CFAP47: variants seen among roughly 807,000 people sequenced by gnomAD.
CFAP47 encodes the protein cilia and flagella associated protein 47.
Under a neutral mutation model 148.1 loss-of-function variants are expected in CFAP47, and 29 were observed. The ratio of observed to expected loss-of-function variants is 0.20; its 90% CI spans 0.15 to 0.27. The LOEUF (loss-of-function observed/expected upper bound fraction) is 0.27. CFAP47 is among the 10% of genes least tolerant of loss of function. CFAP47 has a pLI of 1.00. For missense variants in CFAP47, 1,872 were observed against 1,697.5 expected, an observed-to-expected ratio of 1.10 and a Z score of -1.81; for synonymous variants, 664 against 577.3, an observed-to-expected ratio of 1.15 and a Z score of -2.15.
chrX:35,961,245 G>C (rs1166560299), intron 8 of CFAP47, among the ~76,000 whole-genome samples: 2 of 111,487 alleles, frequency 1.8e-5, no homozygotes, highest in South Asian at 7.4e-4. Flanking sequence ...ATTTAGTTGA[G>C]GATTTTTGCA....
intron 51 of CFAP47, among the ~76,000 whole-genome samples, chrX:36,288,101 C>T (rs782268384): frequency 1.2e-3 from 133 of 111,926 alleles, no homozygotes; most frequent in African/African-American, 4.0e-3. Flanking sequence ...TTACATTCAA[C>T]TCAAATTTCC....
At chrX:36,031,618 A>C (rs1937279868) in intron 23 of CFAP47, among the ~76,000 whole-genome samples, 1 of 110,038 alleles carries the variant, frequency 9.1e-6, no homozygotes, top group African/African-American at 3.3e-5. Flanking sequence ...TATTAAAATA[A>C]GTTTAATATA....
chrX:35,976,482 T>C (rs1936572535), intron 15 of CFAP47, among the ~76,000 whole-genome samples: 3 of 111,726 alleles, frequency 2.7e-5, no homozygotes, highest in African/African-American at 9.8e-5. Context: ...ATGTATACAG[T>C]CTTTGTCAAT....
At position 36,014,822 on chromosome X, in the gene CFAP47, T is replaced by C. The variant is rs187777182; in HGVS notation, c.3466T>C (p.Ser1156Pro). 7.9e-4 allele frequency: 230 copies of C among 292,400 alleles called. No homozygotes were observed. Among genetic ancestry groups the C allele is most frequent in the African/African-American group, 5.4e-3 (193 of 35,956 alleles). 24.1% of individuals were successfully genotyped at this position (292,400 alleles called of 1,213,427 possible). ...IIQVQINFFE[S>P]SKLYTKYLSS... ...TCAAGTTCAGATTAATTTCTTTGAG[T>C]CTTCAAAGCTCTACACTAAATATTT... Residue 1156 changes from serine (S) to proline (P), a missense_variant, in exon 22 of 64, where the codon TCT (serine) becomes CCT (proline). Transcript: ENST00000378653.
intron 62 of CFAP47, among the ~76,000 whole-genome samples, chrX:36,371,852 A>G (rs1347977058): frequency 2.8e-5 from 2 of 70,634 alleles, no homozygotes; most frequent in South Asian, 8.2e-4. Flanking sequence ...GTGTGTATAT[A>G]TGTGTGCATA....
intron 33 of CFAP47, among the ~76,000 whole-genome samples, chrX:36,127,330 A>G (rs1276953571): frequency 6.3e-5 from 7 of 111,509 alleles, no homozygotes; most frequent in Non-Finnish European, 1.3e-4. Context: ...AGTTTTCCCA[A>G]CAACATTTAT....
chrX:36,268,710 A>G (rs1602081315), intron 49 of CFAP47, among the ~76,000 whole-genome samples: 1 of 112,032 alleles, frequency 8.9e-6, no homozygotes, highest in Middle Eastern at 4.6e-3. Context: ...AATCAAAAGA[A>G]TTTGTGTATG....
At chrX:35,927,365 C>A (rs1935759224) in intron 2 of CFAP47, among the ~76,000 whole-genome samples, 1 of 111,306 alleles carries the variant, frequency 9.0e-6, no homozygotes, top group Non-Finnish European at 1.9e-5. Flanking sequence ...TTAAGTAGAA[C>A]CATTTTGTAT....
intron 13 of CFAP47, 113 bp from the exon 14 acceptor site, chrX:35,975,034 A>C (rs1251385953): frequency 9.2e-6 from 4 of 432,738 alleles, no homozygotes; most frequent in Non-Finnish European, 1.5e-5. Context: ...ATATTTTTTA[A>C]AATTTCATTT....
rs1218713182 is a variant in CFAP47, at chrX:36,349,941, G to A, written c.8604-97G>A. The A allele has an allele frequency of 8.4e-6, 4 of 477,795 alleles. No individual in the cohort carries two copies. In the Admixed American group the frequency reaches 1.7e-4, roughly 21 times the overall value. The allele number at this position is 477,795 out of a possible 1,213,427, so 39.4% of individuals were successfully genotyped here. On this transcript the variant is annotated intron_variant, in intron 58 of 63. Transcript: ENST00000378653. Reference sequence around the variant, plus strand: ...TCTCTACCAAAGTCTGAATTTACAAGCTTTACTAAAATACCATAAAGTTAA... The same window carrying A: ...TCTCTACCAAAGTCTGAATTTACAAACTTTACTAAAATACCATAAAGTTAA...
intron 33 of CFAP47, among the ~76,000 whole-genome samples, chrX:36,118,458 C>G (rs774437531): frequency 2.4e-4 from 27 of 110,355 alleles, no homozygotes; most frequent in South Asian, 3.8e-4. Flanking sequence ...CATTTTACAT[C>G]TTTTAATTAA....
intron 30 of CFAP47, among the ~76,000 whole-genome samples, chrX:36,090,806 G>A (rs184955497): frequency 1.1e-3 from 111 of 97,960 alleles, no homozygotes; most frequent in African/African-American, 5.2e-3. Context: ...TTTTATACAC[G>A]TGAAATATCT....
chrX:35,924,550 T>TGC (rs1889516441), intron 1 of CFAP47, among the ~76,000 whole-genome samples: 6 of 100,917 alleles, frequency 5.9e-5, no homozygotes, highest in African/African-American at 2.5e-4. Flanking sequence ...CACCTATATG[T>TGC]GTATATATGC....
rs933525556 is a variant in CFAP47 at position 36,179,381 on chromosome X, G to A, written c.6063G>A (p.Ser2021=). ...TGGAATCCTCAACATTTGTCTCTTC[G>A]CCAACGAAGTTAACTGAATCCAGGC... ...ILVESSTFVS[S]PTKLTESRQY... Residue 2021 remains serine (S), a synonymous_variant, in exon 40 of 64, where the codon TCG becomes TCA. Transcript: ENST00000378653. 2 of 296,209 alleles carry A rather than the reference G, an allele frequency of 6.8e-6. No homozygotes were observed. Among genetic ancestry groups the A allele is most frequent in the African/African-American group, 2.7e-5 (1 of 36,834 alleles). 24.4% of individuals were successfully genotyped at this position (296,209 alleles called of 1,213,427 possible).
intron 51 of CFAP47, among the ~76,000 whole-genome samples, chrX:36,291,051 C>G (rs1156448354): frequency 9.0e-6 from 1 of 111,541 alleles, no homozygotes; most frequent in Non-Finnish European, 1.9e-5. Flanking sequence ...TATAGCAACC[C>G]CACCCAGTGT....
At chrX:36,361,807 G>A (rs192305500) in intron 61 of CFAP47, among the ~76,000 whole-genome samples, 67 of 111,902 alleles carry the variant, frequency 6.0e-4, no homozygotes, top group African/African-American at 1.9e-3. Context: ...CTGATTTAGC[G>A]TTGTGCAATA....
At chrX:36,343,920 A>G (rs782543938) in intron 57 of CFAP47, among the ~76,000 whole-genome samples, 4 of 109,048 alleles carry the variant, frequency 3.7e-5, no homozygotes, top group Admixed American at 9.9e-5. Flanking sequence ...ATGATTTCCA[A>G]TTTCATCCAT....
Position 35,975,697 on chromosome X carries a change from G to A in CFAP47, c.2497G>A (p.Val833Ile). The change falls in exon 15 of 64, where the codon GTA becomes ATA. Residue 833 changes from valine to isoleucine, a missense_variant. Transcript: ENST00000378653. ...GTCTTTCACCTTTACAGTGAACAAT[G>A]TACCCAGTGGACACATCCTAGTGGT... ...WKSFTFTVNN[V>I]PSGHILVVAV... 1 of 1,209,138 alleles carries A rather than the reference G, an allele frequency of 8.3e-7. No homozygotes were observed. Among genetic ancestry groups the A allele is most frequent in the East Asian group, 3.0e-5 (1 of 33,783 alleles).
rs782795028 is a variant in CFAP47, at chrX:36,384,863, G to T, written c.9421G>T (p.Ala3141Ser). Reference sequence around the variant, plus strand: ...TCCAACTACCGTGCCACCAAAAAATGCAAAAGCCAAAATTGATGCTACTCA... The same window carrying T: ...TCCAACTACCGTGCCACCAAAAAATTCAAAAGCCAAAATTGATGCTACTCA... ...LTPTTVPPKN[A>S]KAKIDATHKT... Residue 3141 changes from alanine (A) to serine (S), a missense_variant, in exon 64 of 64, where the codon GCA becomes TCA. Ala to Ser is a moderately conservative substitution (Grantham distance 99). Coordinates refer to ENST00000378653, the MANE Select transcript of CFAP47 (RefSeq NM_001304548.2). The T allele has an allele frequency of 9.4e-6, 11 of 1,164,752 alleles. No homozygotes were observed. The African/African-American group carries it at 2.0e-4, about 21-fold the overall frequency.
Sources: allele counts gnomAD v4.1 joint callset (sites outside exome capture counted in the v4.1 genomes callset), GRCh38; gene constraint gnomAD v4.1.1; transcripts MANE v1.5; gene names NCBI Gene and HGNC (gene_info 2026-07-23, HGNC 2026-07-21).